The following FOCAD variants were observed in gnomAD, a reference collection of about 807,000 sequenced individuals.
FOCAD encodes the protein KIAA1797.
A neutral mutation model predicts 225.6 loss-of-function variants in FOCAD; 198 were observed. The observed-to-expected ratio is 0.88, with a 90% confidence interval of 0.78 to 0.99. The LOEUF is 0.99. Ranked by LOEUF, FOCAD falls within the 50% of genes least tolerant of loss-of-function variation. The probability of loss-of-function intolerance (pLI) is 0.00; values close to 1 mark genes in which losing one functional copy is unlikely to be tolerated. For synonymous variants in FOCAD, 897 were observed against 755.0 expected, an observed-to-expected ratio of 1.19 and a Z score of -3.08; for missense variants, 2,713 against 2,123.6, an observed-to-expected ratio of 1.28 and a Z score of -5.46.
chr9:20,931,410 AC>A (rs1448460301), intron 27 of FOCAD, among the ~76,000 whole-genome samples: 2 of 152,188 alleles, frequency 1.3e-5, no homozygotes, highest in Admixed American at 1.3e-4. Context: ...CATGGCTCCC[AC>A]CTTCCCAATT....
chr9:20,709,652 TAA>T (rs1824672328), intron 1 of FOCAD, among the ~76,000 whole-genome samples: 1 of 152,142 alleles, frequency 6.6e-6, no homozygotes, highest in African/African-American at 2.4e-5. Flanking sequence ...CCTTGAAATA[TAA>T]GTCTTCAGCA....
At chr9:20,815,618 C>T (rs189557070) in intron 11 of FOCAD, among the ~76,000 whole-genome samples, 2 of 151,506 alleles carry the variant, frequency 1.3e-5, no homozygotes, top group African/African-American at 4.8e-5. Context: ...TATAGGGGCT[C>T]CCTTAACAGT....
intron 37 of FOCAD, 117 bp downstream of exon 37, chr9:20,978,571 A>C: frequency 1.6e-6 from 1 of 625,510 alleles, no homozygotes; most frequent in Non-Finnish European, 2.6e-6. Flanking sequence ...ATCTTCACAA[A>C]AATCGAGGGT....
intron 27 of FOCAD, among the ~76,000 whole-genome samples, chr9:20,932,802 A>G (rs757356415): frequency 5.9e-5 from 9 of 152,232 alleles, no homozygotes; most frequent in Non-Finnish European, 1.3e-4. Flanking sequence ...AAGTGATTAT[A>G]CTGCTCAGAA....
chr9:20,691,218 C>T (rs1822956315), intron 1 of FOCAD, among the ~76,000 whole-genome samples: 1 of 152,042 alleles, frequency 6.6e-6, no homozygotes, highest in African/African-American at 2.4e-5. Flanking sequence ...GCTGGGATTA[C>T]AGGTGTGAGC....
intron 11 of FOCAD, among the ~76,000 whole-genome samples, chr9:20,804,760 A>G (rs548217745): frequency 1.3e-5 from 2 of 151,734 alleles, no homozygotes; most frequent in Admixed American, 6.6e-5. Context: ...TGGTCTTTCA[A>G]CTGCTGGAAT....
chr9:20,754,647 A>C (rs998387381), intron 5 of FOCAD, among the ~76,000 whole-genome samples: 2 of 152,020 alleles, frequency 1.3e-5, no homozygotes, highest in Admixed American at 1.3e-4. Flanking sequence ...ATTCTTGACC[A>C]GGAGCAATTT....
At chr9:20,963,032 A>T (rs1254434888) in intron 35 of FOCAD, among the ~76,000 whole-genome samples, 1 of 152,158 alleles carries the variant, frequency 6.6e-6, no homozygotes, top group Non-Finnish European at 1.5e-5. Flanking sequence ...CTCCTCCAGA[A>T]TGCATGAAAC....
chr9:20,731,700 C>G (rs1483170541), intron 4 of FOCAD, among the ~76,000 whole-genome samples: 2 of 152,112 alleles, frequency 1.3e-5, no homozygotes, highest in African/African-American at 4.8e-5. Flanking sequence ...TCACCACAAC[C>G]TCTCCCTCCC....
At chr9:20,874,477 TA>T in intron 18 of FOCAD, 1 of 508,762 alleles carries the variant, frequency 2.0e-6, no homozygotes, top group Non-Finnish European at 3.4e-6. Flanking sequence ...AGATTGTATC[TA>T]ATAAGATGAC....
intron 1 of FOCAD, among the ~76,000 whole-genome samples, chr9:20,711,592 G>C (rs1253488309): frequency 6.6e-6 from 1 of 152,166 alleles, no homozygotes; most frequent in Non-Finnish European, 1.5e-5. Flanking sequence ...TAACCTCTGA[G>C]GTGCTGGAAA....
intron 31 of FOCAD, 23 bp downstream of exon 31, chr9:20,948,416 T>C: frequency 6.3e-7 from 1 of 1,598,802 alleles, no homozygotes; most frequent in Non-Finnish European, 8.5e-7. Context: ...TGTTGTATGC[T>C]ATTTCATATT....
intron 11 of FOCAD, among the ~76,000 whole-genome samples, chr9:20,813,368 A>G (rs149531575): frequency 2.8e-4 from 43 of 152,306 alleles, no homozygotes; most frequent in African/African-American, 9.4e-4. Context: ...GTTCTTTTGC[A>G]TAAACAACCT....
At chr9:20,699,248 G>A (rs1435862760) in intron 1 of FOCAD, among the ~76,000 whole-genome samples, 2 of 152,088 alleles carry the variant, frequency 1.3e-5, no homozygotes, top group Admixed American at 6.5e-5. Context: ...TTGAATTTGG[G>A]CTGAAAGGCA....
chr9:20,964,909 G>T (rs1306265328), intron 35 of FOCAD, among the ~76,000 whole-genome samples: 1 of 152,184 alleles, frequency 6.6e-6, no homozygotes, highest in East Asian at 1.9e-4. Context: ...CCTGTTGGCA[G>T]GAGGGAGCAG....
chr9:20,769,162 C>T lies in FOCAD; in HGVS notation c.700-870C>T, dbSNP rs369168259. Among the ~76,000 whole-genome samples the T allele has an allele frequency of 2.2e-3, 339 of 152,146 alleles. 1 individual carries two copies. Among genetic ancestry groups the T allele is most frequent in the African/African-American group, 7.5e-3 (311 of 41,506 alleles). On this transcript the variant is annotated intron_variant, in intron 7 of 43. Transcript: ENST00000338382. ...TTTATAACAATGTTTTCTGCTATTT[C>T]TTCTCTTTGATCTTTTAATATCTTT... is the stretch of plus-strand genomic sequence containing the variant.
At chr9:20,698,546 A>C (rs1388983631) in intron 1 of FOCAD, among the ~76,000 whole-genome samples, 1 of 152,020 alleles carries the variant, frequency 6.6e-6, no homozygotes, top group Non-Finnish European at 1.5e-5. Context: ...GACCACAGGG[A>C]CACGCCACTG....
intron 15 of FOCAD, among the ~76,000 whole-genome samples, chr9:20,825,968 G>C (rs1434979125): frequency 6.6e-6 from 1 of 152,092 alleles, no homozygotes; most frequent in Non-Finnish European, 1.5e-5. Context: ...TAGTCTGGCT[G>C]TCTGGAATTG....
chr9:20,949,088 C>G (rs1837453545), intron 32 of FOCAD, among the ~76,000 whole-genome samples, 160 bp downstream of exon 32: 1 of 152,166 alleles, frequency 6.6e-6, no homozygotes. Flanking sequence ...AATAATTGCA[C>G]TTAACCAAGG....
Sources: allele counts gnomAD v4.1 joint callset (sites outside exome capture counted in the v4.1 genomes callset), GRCh38; gene constraint gnomAD v4.1.1; transcripts MANE v1.5; gene names NCBI Gene and HGNC (gene_info 2026-07-23, HGNC 2026-07-21).